The following SLC48A1 variants were observed in gnomAD, a reference collection of about 807,000 sequenced individuals.
SLC48A1 encodes the protein heme transporter HRG1.
Under a neutral mutation model 14.8 loss-of-function variants are expected in SLC48A1, and 6 were observed. That is an observed-to-expected ratio of 0.41 (90% CI 0.22 to 0.80). The LOEUF (loss-of-function observed/expected upper bound fraction) is 0.80. Ranked by LOEUF, SLC48A1 falls within the 30% of genes least tolerant of loss-of-function variation. The pLI is 0.34. For missense variants in SLC48A1, 165 were observed against 204.8 expected, an observed-to-expected ratio of 0.81 and a Z score of 1.19; for synonymous variants, 89 against 90.0, an observed-to-expected ratio of 0.99 and a Z score of 0.06.
rs1435779672 is a variant in SLC48A1 at position 47,780,883 on chromosome 12, G to T, written c.*602G>T. 1 of 532,508 alleles carries T rather than the reference G, an allele frequency of 1.9e-6. No homozygotes were observed. The highest frequency in any genetic ancestry group is 1.9e-5 in the Admixed American group (1 of 51,546). The allele number at this position is 532,508 out of a possible 1,614,324, so 33.0% of individuals were successfully genotyped here. On this transcript the variant is annotated 3_prime_UTR_variant, in exon 3 of 3. Coordinates refer to ENST00000442218, the MANE Select transcript of SLC48A1 (RefSeq NM_017842.3). ...TGCCCGGCCTGGATCTGTTTTCTTA[G>T]CACGCAGTGAGGAATCTTTGTACTT...
chr12:47,775,543 C>T (rs117733247), intron 1 of SLC48A1, among the ~76,000 whole-genome samples: 2,178 of 152,336 alleles, frequency 0.014, 32 homozygotes, highest in Middle Eastern at 0.024. Flanking sequence ...CTCCGACCTT[C>T]CCCACCATGA....
Position 47,780,491 on chromosome 12 carries a change from G to A in SLC48A1, c.*210G>A, listed in dbSNP as rs1942844052. ...GGTAGAGAGGGGATCCTGCCATGTT[G>A]CTCCTCATCAGCCTGGCCAGAGGGC... On this transcript the variant is annotated 3_prime_UTR_variant, in exon 3 of 3. Transcript: ENST00000442218. The A allele has an allele frequency of 1.2e-6, 1 of 806,018 alleles. No individual in the cohort carries two copies. The highest frequency in any genetic ancestry group is 2.3e-6 in the Non-Finnish European group (1 of 443,744). The allele number at this position is 806,018 out of a possible 1,614,324, so 49.9% of individuals were successfully genotyped here.
At chr12:47,758,224 G>A (rs1342373306), upstream of SLC48A1, 2 of 1,436,674 alleles carry the variant, frequency 1.4e-6, no homozygotes, top group Non-Finnish European at 1.8e-6. Context: ...GAGCTGGGGG[G>A]AGGAACAGGA....
intron 1 of SLC48A1, chr12:47,759,021 G>A (rs1358446365): frequency 1.0e-6 from 1 of 990,134 alleles, no homozygotes; most frequent in Non-Finnish European, 1.2e-6. Context: ...GGCACTGGCA[G>A]GCTTTGGAGT....
upstream of SLC48A1, chr12:47,770,894 G>A (rs763474881): frequency 6.6e-6 from 3 of 456,368 alleles, no homozygotes; most frequent in South Asian, 3.1e-5. Flanking sequence ...TTCCCTCTGC[G>A]CCATCACACG....
intron 1 of SLC48A1, among the ~76,000 whole-genome samples, chr12:47,774,380 A>C (rs1942695390): frequency 6.6e-6 from 1 of 152,222 alleles, no homozygotes; most frequent in Non-Finnish European, 1.5e-5. Context: ...CTCATGAAGT[A>C]GGCCTTACGA....
chr12:47,780,016 G>C (rs773502834), intron 2 of SLC48A1, 129 bp from the exon 3 acceptor site: 3 of 1,191,554 alleles, frequency 2.5e-6, no homozygotes, highest in Non-Finnish European at 3.4e-6. Context: ...GTGTCTTTCT[G>C]AAGGGTTGGT....
chr12:47,760,426 G>A, intron 2 of SLC48A1: 1 of 985,164 alleles, frequency 1.0e-6, no homozygotes, highest in Non-Finnish European at 1.2e-6. Flanking sequence ...GAGTTAGGGG[G>A]ATGGAGTCAT....
upstream of SLC48A1, among the ~76,000 whole-genome samples, chr12:47,757,329 T>C (rs1942133478): frequency 6.6e-6 from 1 of 152,172 alleles, no homozygotes; most frequent in Non-Finnish European, 1.5e-5. Context: ...ACTTTGGTGA[T>C]CTCAGATTCT....
upstream of SLC48A1, among the ~76,000 whole-genome samples, chr12:47,755,307 G>T (rs1941989322): frequency 6.6e-6 from 1 of 152,202 alleles, no homozygotes; most frequent in South Asian, 2.1e-4. Flanking sequence ...CAGGGCTGTT[G>T]TGAGAATTAT....
Position 47,777,513 on chromosome 12 carries a change from C to A in SLC48A1, c.137-1515C>A, listed in dbSNP as rs1942779339. ...ATGTGGAAACACCAAGGCTTTGGGA[C>A]ACAGCAGTGCCAGGCTCCTGGTTTC... On this transcript the variant is annotated intron_variant, in intron 1 of 2. Coordinates refer to ENST00000442218, the MANE Select transcript of SLC48A1 (RefSeq NM_017842.3). The surrounding 1 kb of genome is among the most constrained non-coding windows in gnomAD (Gnocchi z 4.5). Among the ~76,000 whole-genome samples, 1 of 152,170 alleles carries A rather than the reference C, an allele frequency of 6.6e-6. No homozygotes were observed. Among genetic ancestry groups the A allele is most frequent in the South Asian group, 2.1e-4 (1 of 4,838 alleles).
At chr12:47,762,119 A>G (rs1489774017) in intron 2 of SLC48A1, among the ~76,000 whole-genome samples, 1 of 151,826 alleles carries the variant, frequency 6.6e-6, no homozygotes, top group Non-Finnish European at 1.5e-5. Context: ...CCCTTAATAC[A>G]CTCTACTCGG....
At chr12:47,769,704 A>G (rs897496145), upstream of SLC48A1, 8 of 152,188 alleles carry the variant, frequency 5.3e-5, no homozygotes, top group African/African-American at 1.4e-4. Flanking sequence ...TTATCTCAAT[A>G]TATCTCGATC....
chr12:47,754,417 G>A (rs1485466189), upstream of SLC48A1, among the ~76,000 whole-genome samples: 2 of 152,224 alleles, frequency 1.3e-5, no homozygotes, highest in Non-Finnish European at 1.5e-5. Context: ...AGGATGGGGC[G>A]GAGAGAGGGC....
Position 47,780,228 on chromosome 12 carries a change from G to A in SLC48A1, c.388G>A (p.Ala130Thr). The change falls in exon 3 of 3, where the codon GCC (alanine) becomes ACC (threonine). Residue 130 changes from alanine to threonine, a missense_variant. Ala to Thr is a moderately conservative substitution (Grantham distance 58). Coordinates refer to ENST00000442218, the MANE Select transcript of SLC48A1 (RefSeq NM_017842.3). The part of the protein sequence containing the change: ...FKWAFLLSLY[A>T]HRYRADFADI... The stretch of plus-strand genomic sequence containing the variant: ...GTGGGCCTTCCTGCTCAGCCTCTAT[G>A]CCCACCGCTACCGGGCTGACTTTGC... 6.2e-7 allele frequency: 1 copy of A among 1,614,210 alleles called. No individual in the cohort carries two copies. Among genetic ancestry groups the A allele is most frequent in the Non-Finnish European group, 8.5e-7 (1 of 1,180,020 alleles).
intron 2 of SLC48A1, among the ~76,000 whole-genome samples, chr12:47,765,457 C>T (rs1186240051): frequency 1.3e-5 from 2 of 152,340 alleles, no homozygotes; most frequent in East Asian, 1.9e-4. Context: ...GAGCCTGGTC[C>T]GTGAGCTCTG....
rs1942774531 is a variant in SLC48A1, at chr12:47,777,238, A to G, written c.137-1790A>G. Among the ~76,000 whole-genome samples, 1 of 152,190 alleles carries G rather than the reference A, an allele frequency of 6.6e-6. No homozygotes were observed. Among genetic ancestry groups the G allele is most frequent in the Non-Finnish European group, 1.5e-5 (1 of 68,026 alleles). ...TCTGGCCCACTCCAGCATCCAGACT[A>G]GGTGGGGAGGAACAGATGCTTGTCC... On this transcript the variant is annotated intron_variant, in intron 1 of 2. Transcript: ENST00000442218. The surrounding 1 kb of genome is among the most constrained non-coding windows in gnomAD (Gnocchi z 4.5).
At chr12:47,758,895 C>A (rs1942264317) in intron 1 of SLC48A1, 3 of 1,108,818 alleles carry the variant, frequency 2.7e-6, no homozygotes, top group Non-Finnish European at 2.2e-6. Context: ...CCGGTCCGGG[C>A]GGGAGCTGTC....
chr12:47,773,077 C>A, upstream of SLC48A1: 1 of 565,312 alleles, frequency 1.8e-6, no homozygotes, highest in Non-Finnish European at 2.2e-6. Flanking sequence ...CAGCATTCCC[C>A]CAAACGACAC....
Sources: allele counts gnomAD v4.1 joint callset (sites outside exome capture counted in the v4.1 genomes callset), GRCh38; gene constraint gnomAD v4.1.1; non-coding constraint Gnocchi (gnomAD v3.1); transcripts MANE v1.5; gene names NCBI Gene and HGNC (gene_info 2026-07-23, HGNC 2026-07-21).